The following SGCZ variants were observed in gnomAD, a reference collection of about 807,000 sequenced individuals.
SGCZ encodes sarcoglycan zeta.
A neutral mutation model predicts 41.3 loss-of-function variants in SGCZ; 40 were observed. The ratio of observed to expected loss-of-function variants is 0.97; its 90% CI spans 0.75 to 1.26. The LOEUF (loss-of-function observed/expected upper bound fraction) is 1.26, where lower values mean the gene tolerates loss of function less well. Among genes scored for constraint, SGCZ ranks in the 50% most tolerant of loss-of-function variants. The probability of loss-of-function intolerance (pLI) is 0.00; values close to 1 mark genes in which losing one functional copy is unlikely to be tolerated. For missense variants in SGCZ, 552 were observed against 369.8 expected (o/e 1.49, Z -4.04); for synonymous variants, 206 against 137.5 (o/e 1.50, Z -3.49).
rs79835470 is a variant in SGCZ at position 14,521,807 on chromosome 8, G to T, written c.234+32925C>A. The stretch of plus-strand genomic sequence containing the variant: ...GTCCAACACTATGTTGAATAAGAGT[G>T]ATGAGAGTAGTTATCATTACTTTGT... On this transcript the variant is annotated intron_variant, in intron 2 of 7. Coordinates refer to ENST00000382080, the MANE Select transcript of SGCZ (RefSeq NM_139167.4). Among the ~76,000 whole-genome samples the T allele has an allele frequency of 2.9e-3, 435 of 152,208 alleles. 13 individuals carry two copies. In the East Asian group the frequency reaches 0.067, roughly 23 times the overall value.
At chr8:15,160,459 C>T (rs1430610147) in intron 1 of SGCZ, among the ~76,000 whole-genome samples, 9 of 152,216 alleles carry the variant, frequency 5.9e-5, no homozygotes, top group East Asian at 1.9e-4. Context: ...ACGTGTGAGA[C>T]GAGAATTTTG....
intron 1 of SGCZ, among the ~76,000 whole-genome samples, chr8:14,645,377 C>G (rs1807173229): frequency 6.7e-6 from 1 of 149,598 alleles, no homozygotes; most frequent in Non-Finnish European, 1.5e-5. Context: ...ATTTTTGTAA[C>G]ACATGCTGGC....
At chr8:14,810,583 C>T (rs1801708787) in intron 1 of SGCZ, among the ~76,000 whole-genome samples, 1 of 151,924 alleles carries the variant, frequency 6.6e-6, no homozygotes, top group Admixed American at 6.6e-5. Context: ...TCCAAGGTAT[C>T]AAAGGTGTTT....
rs1474142863 is a variant in SGCZ, at chr8:14,808,772, C to T, written c.40-253846G>A. Among the ~76,000 whole-genome samples the T allele has an allele frequency of 3.3e-5, 5 of 151,982 alleles. No individual in the cohort carries two copies. In the South Asian group the frequency reaches 8.3e-4, roughly 25 times the overall value. ...TATAAATCATGCTGCTATAAAGACA[C>T]ATGCACACGTATGTTTATTGTGGCA... On this transcript the variant is annotated intron_variant, in intron 1 of 7. Transcript: ENST00000382080.
At chr8:14,769,711 C>G (rs145913944) in intron 1 of SGCZ, among the ~76,000 whole-genome samples, 243 of 146,948 alleles carry the variant, frequency 1.7e-3, no homozygotes, top group African/African-American at 6.0e-3. Context: ...AGAATCATCA[C>G]TTAAACCTGG....
rs1801698193 is a variant in SGCZ at position 15,224,216 on chromosome 8, T to C, written c.39+13369A>G. On this transcript the variant is annotated intron_variant, in intron 1 of 7. Coordinates refer to ENST00000382080, the MANE Select transcript of SGCZ (RefSeq NM_139167.4). ...TACATAAACTCTATTTATAACAGAGTATATTTTTCTTCTTTCATAAAGATT... is the reference window on the plus strand; with the variant it reads ...TACATAAACTCTATTTATAACAGAGCATATTTTTCTTCTTTCATAAAGATT... Among the ~76,000 whole-genome samples, 3 of 152,250 alleles carry C rather than the reference T, an allele frequency of 2.0e-5. No homozygotes were observed. The South Asian group carries it at 6.2e-4, about 32-fold the overall frequency.
At chr8:14,836,176 G>T (rs918471407) in intron 1 of SGCZ, among the ~76,000 whole-genome samples, 8 of 149,708 alleles carry the variant, frequency 5.3e-5, no homozygotes, top group Non-Finnish European at 1.0e-4. Flanking sequence ...AATCTCAGAG[G>T]GGTCCATTGC....
chr8:14,942,957 T>C (rs1285169761), intron 1 of SGCZ, among the ~76,000 whole-genome samples: 1 of 152,156 alleles, frequency 6.6e-6, no homozygotes, highest in Non-Finnish European at 1.5e-5. Flanking sequence ...ATATGCACCA[T>C]TATTTTTAGA....
intron 1 of SGCZ, among the ~76,000 whole-genome samples, chr8:15,166,703 C>G (rs1201742959): frequency 6.6e-6 from 1 of 152,166 alleles, no homozygotes; most frequent in Non-Finnish European, 1.5e-5. Flanking sequence ...GATAACCAAA[C>G]TTATTTGTCA....
intron 4 of SGCZ, among the ~76,000 whole-genome samples, chr8:14,208,339 T>C (rs373653422): frequency 2.0e-5 from 3 of 152,308 alleles, no homozygotes; most frequent in African/African-American, 7.2e-5. Flanking sequence ...GAAGTAAAAA[T>C]CTGACACCGT....
At chr8:14,857,349 CTAGA>C (rs1420026514) in intron 1 of SGCZ, among the ~76,000 whole-genome samples, 1 of 152,088 alleles carries the variant, frequency 6.6e-6, no homozygotes, top group African/African-American at 2.4e-5. Flanking sequence ...AACGAATACA[CTAGA>C]TAATGAGATT....
chr8:14,289,014 T>C (rs1209211455), intron 3 of SGCZ, among the ~76,000 whole-genome samples: 14 of 152,162 alleles, frequency 9.2e-5, no homozygotes. Context: ...TTATTTGTGT[T>C]TTCTTGATGG....
chr8:14,241,956 A>G (rs1302135468), intron 3 of SGCZ, among the ~76,000 whole-genome samples: 1 of 152,224 alleles, frequency 6.6e-6, no homozygotes, highest in African/African-American at 2.4e-5. Context: ...TTTATTTATA[A>G]CAAATATTTA....
intron 1 of SGCZ, among the ~76,000 whole-genome samples, chr8:15,034,992 T>C (rs1803821791): frequency 6.6e-6 from 1 of 152,096 alleles, no homozygotes. Flanking sequence ...GGAGTATAAT[T>C]AGTAATGAAA....
chr8:14,589,629 T>G (rs2117280968), intron 1 of SGCZ, among the ~76,000 whole-genome samples: 1 of 152,252 alleles, frequency 6.6e-6, no homozygotes, highest in East Asian at 1.9e-4. Context: ...AATCTAAACT[T>G]TATTATTATT....
At chr8:14,239,640 C>G (rs1028434266) in intron 3 of SGCZ, among the ~76,000 whole-genome samples, 1 of 151,756 alleles carries the variant, frequency 6.6e-6, no homozygotes, top group Non-Finnish European at 1.5e-5. Context: ...AATTATTTCA[C>G]GCCTGTAATT....
chr8:14,404,882 G>C (rs554913495), intron 2 of SGCZ, among the ~76,000 whole-genome samples: 81 of 152,298 alleles, frequency 5.3e-4, no homozygotes, highest in South Asian at 1.2e-3. Context: ...GGAGCAAGAG[G>C]AGTGGGAGAG....
At chr8:14,735,366 C>T (rs180697089) in intron 1 of SGCZ, among the ~76,000 whole-genome samples, 41 of 152,270 alleles carry the variant, frequency 2.7e-4, no homozygotes, top group African/African-American at 9.4e-4. Context: ...GCCGCCAGCA[C>T]GGCTAAAACA....
chr8:14,283,176 T>TCTC (rs113838822), intron 3 of SGCZ, among the ~76,000 whole-genome samples: 32,378 of 151,838 alleles, frequency 0.21, 3,630 homozygotes, highest in East Asian at 0.3. Flanking sequence ...GCTCTCTCCT[T>TCTC]CTCTTGTCGA....
Sources: allele counts gnomAD v4.1 joint callset (sites outside exome capture counted in the v4.1 genomes callset), GRCh38; gene constraint gnomAD v4.1.1; transcripts MANE v1.5; gene names NCBI Gene and HGNC (gene_info 2026-07-23, HGNC 2026-07-21).